The following DNAJC11 variants were observed in gnomAD, a reference collection of about 807,000 sequenced individuals.
The protein encoded by DNAJC11 is dnaJ homolog subfamily C member 11.
Under a neutral mutation model 78.6 loss-of-function variants are expected in DNAJC11, and 15 were observed. The observed-to-expected ratio is 0.19, with a 90% CI of 0.13 to 0.29. DNAJC11 has a LOEUF of 0.29. Ranked by LOEUF, DNAJC11 falls within the 10% of genes least tolerant of loss-of-function variation. The pLI, the probability that DNAJC11 is intolerant of heterozygous loss-of-function variation, is 1.00. For synonymous variants in DNAJC11, 292 were observed against 272.1 expected (o/e 1.07, Z -0.72); for missense variants, 547 against 709.6 (o/e 0.77, Z 2.60).
At chr1:6,694,440 C>T (rs564046400) in intron 1 of DNAJC11, among the ~76,000 whole-genome samples, 14 of 152,214 alleles carry the variant, frequency 9.2e-5, no homozygotes, top group Admixed American at 5.9e-4. Flanking sequence ...CTCATTTCCT[C>T]CTATACCTTA....
chr1:6,663,606 G>C (rs2148738731), intron 4 of DNAJC11, among the ~76,000 whole-genome samples: 2 of 152,308 alleles, frequency 1.3e-5, no homozygotes, highest in Admixed American at 1.3e-4. Flanking sequence ...AGGATGCCCA[G>C]GGTGGTCCAG....
chr1:6,651,021 T>A (rs747469419), intron 7 of DNAJC11: 6 of 532,410 alleles, frequency 1.1e-5, no homozygotes, highest in Non-Finnish European at 2.3e-5. Context: ...ACCCACCATA[T>A]AGGAAATGAA....
chr1:6,677,080 C>T (rs905743684), intron 3 of DNAJC11, among the ~76,000 whole-genome samples: 3 of 144,870 alleles, frequency 2.1e-5, no homozygotes, highest in African/African-American at 7.7e-5. Context: ...AAGGCTGAGG[C>T]AGGAGAATCA....
intron 4 of DNAJC11, among the ~76,000 whole-genome samples, chr1:6,658,455 G>C (rs1486363088): frequency 1.3e-5 from 2 of 152,140 alleles, no homozygotes; most frequent in African/African-American, 4.8e-5. Flanking sequence ...TAATTACACT[G>C]GGTAGACTGA....
At chr1:6,635,824 G>A (rs1165165692) in intron 15 of DNAJC11, 124 bp from the exon 16 acceptor site, 3 of 1,226,674 alleles carry the variant, frequency 2.4e-6, no homozygotes, top group South Asian at 1.3e-5. Flanking sequence ...CAGAGCACCC[G>A]CTGCTGAAAA....
chr1:6,646,704 GT>G (rs1641971832), intron 7 of DNAJC11, among the ~76,000 whole-genome samples: 1 of 152,088 alleles, frequency 6.6e-6, no homozygotes, highest in Non-Finnish European at 1.5e-5. Flanking sequence ...CCATCTTCTG[GT>G]TGAAAAGAGG....
At chr1:6,639,375 G>A (rs1428322176) in intron 11 of DNAJC11, among the ~76,000 whole-genome samples, 1 of 150,560 alleles carries the variant, frequency 6.6e-6, no homozygotes, top group Non-Finnish European at 1.5e-5. Context: ...TGTCACCCAG[G>A]CTGGAGTGCA....
chr1:6,659,566 C>G (rs1276181780), intron 4 of DNAJC11, among the ~76,000 whole-genome samples: 1 of 151,774 alleles, frequency 6.6e-6, no homozygotes, highest in Non-Finnish European at 1.5e-5. Context: ...TTGAGACCAG[C>G]CTGGCCAATA....
At chr1:6,661,256 T>C (rs1044995678) in intron 4 of DNAJC11, among the ~76,000 whole-genome samples, 1 of 152,206 alleles carries the variant, frequency 6.6e-6, no homozygotes, top group Non-Finnish European at 1.5e-5. Flanking sequence ...AAAGAGGTGA[T>C]ACGAGGCAAT....
Position 6,635,293 on chromosome 1 carries a change from G to A in DNAJC11, c.*382C>T, listed in dbSNP as rs147989980. On this transcript the variant is annotated 3_prime_UTR_variant, in exon 16 of 16. Transcript: ENST00000377577. ...AGCGTGGACTGCAGAAGTGGCTCAC[G>A]CTCCTGTGGTGAGGGCAGGGTGCTC... 62 of 190,558 alleles carry A rather than the reference G, an allele frequency of 3.3e-4. 1 individual carries two copies. Among genetic ancestry groups the A allele is most frequent in the African/African-American group, 1.2e-3 (51 of 42,840 alleles). 11.8% of individuals were successfully genotyped at this position (190,558 alleles called of 1,614,324 possible). A position where few individuals can be genotyped will look rare whatever the true frequency, so the allele number is the denominator to read the frequency against.
chr1:6,678,136 C>T (rs1326473898), intron 3 of DNAJC11, among the ~76,000 whole-genome samples: 1 of 152,198 alleles, frequency 6.6e-6, no homozygotes, highest in Non-Finnish European at 1.5e-5. Flanking sequence ...CTGGTTCGGT[C>T]CATCCCTCTT....
chr1:6,653,883 T>C lies in DNAJC11; in HGVS notation c.507+28A>G, dbSNP rs1398084643. ...GCCTCATTAACTCGAGCCCTTGCTG[T>C]ACTCGGAGAGGTGGTTGTGTGCTTT... On this transcript the variant is annotated intron_variant, in intron 5 of 15. Transcript: ENST00000377577. This position sits in a 1 kb window ranked among gnomAD's most constrained non-coding sequence, Gnocchi z 4.5. The C allele has an allele frequency of 6.2e-7, 1 of 1,608,994 alleles. No individual in the cohort carries two copies. The highest frequency in any genetic ancestry group is 8.5e-7 in the Non-Finnish European group (1 of 1,176,460).
chr1:6,684,269 A>T (rs1642600465), intron 1 of DNAJC11, among the ~76,000 whole-genome samples: 1 of 152,070 alleles, frequency 6.6e-6, no homozygotes, highest in African/African-American at 2.4e-5. Flanking sequence ...TTTAATAGAG[A>T]TGGGATTTCA....
In DNAJC11 at chr1:6,634,645, T is replaced by C; in HGVS notation, c.*1030A>G. On this transcript the variant is annotated 3_prime_UTR_variant, in exon 16 of 16. Coordinates refer to ENST00000377577, the MANE Select transcript of DNAJC11 (RefSeq NM_018198.4). ...TTTACTGCAGCCGAGGTCCAGGCCG[T>C]GGAGGGGGTCCTAGCTCCGCTGCAT... 2 of 1,366,400 alleles carry C rather than the reference T, an allele frequency of 1.5e-6. No homozygotes were observed. The highest frequency in any genetic ancestry group is 2.0e-6 in the Non-Finnish European group (2 of 1,021,824). 84.6% of individuals were successfully genotyped at this position (1,366,400 alleles called of 1,614,324 possible).
At chr1:6,693,447 G>A (rs1284952483) in intron 1 of DNAJC11, among the ~76,000 whole-genome samples, 1 of 151,712 alleles carries the variant, frequency 6.6e-6, no homozygotes, top group African/African-American at 2.4e-5. Flanking sequence ...GTGGTGGTGC[G>A]ATCTTGCTTC....
chr1:6,693,995 C>G (rs1352192834), intron 1 of DNAJC11, among the ~76,000 whole-genome samples: 1 of 151,970 alleles, frequency 6.6e-6, no homozygotes, highest in Non-Finnish European at 1.5e-5. Context: ...GCCATCAAGT[C>G]TGGCTAAGTT....
At chr1:6,681,398 C>G (rs1570306038) in intron 1 of DNAJC11, among the ~76,000 whole-genome samples, 1 of 152,176 alleles carries the variant, frequency 6.6e-6, no homozygotes, top group Non-Finnish European at 1.5e-5. Flanking sequence ...CTAAACAGAA[C>G]AGGTTCAGGC....
At chr1:6,666,376 CTTTCT>C (rs1277875579) in intron 4 of DNAJC11, among the ~76,000 whole-genome samples, 60 of 131,590 alleles carry the variant, frequency 4.6e-4, no homozygotes, top group African/African-American at 1.5e-3. Context: ...TGTTTTTTTT[CTTTCT>C]TTTCTTTTTT....
intron 4 of DNAJC11, among the ~76,000 whole-genome samples, chr1:6,664,037 C>T (rs1642258039): frequency 6.6e-6 from 1 of 152,024 alleles, no homozygotes; most frequent in Non-Finnish European, 1.5e-5. Context: ...TGTGTGTGTG[C>T]ATGCACGTGT....
Sources: allele counts gnomAD v4.1 joint callset (sites outside exome capture counted in the v4.1 genomes callset), GRCh38; gene constraint gnomAD v4.1.1; non-coding constraint Gnocchi (gnomAD v3.1); transcripts MANE v1.5; gene names NCBI Gene and HGNC (gene_info 2026-07-23, HGNC 2026-07-21).